THAP8: variants seen among roughly 807,000 people sequenced by gnomAD.
THAP8 encodes THAP domain containing 8.
THAP8 carries 24 observed loss-of-function variants against 25.0 expected under a neutral mutation model. The ratio of observed to expected loss-of-function variants is 0.96; its 90% CI spans 0.69 to 1.35. The LOEUF is 1.35. Ranked by LOEUF, THAP8 falls within the 40% of genes most tolerant of loss-of-function variation. The probability of loss-of-function intolerance (pLI) is 0.00; values close to 1 mark genes in which losing one functional copy is unlikely to be tolerated. For missense variants in THAP8, 399 were observed against 368.8 expected (o/e 1.08, Z -0.67); for synonymous variants, 169 against 157.6 (o/e 1.07, Z -0.54).
At chr19:36,054,744 A>ATTT (rs1369790317), upstream of THAP8, 2 of 612,026 alleles carry the variant, frequency 3.3e-6, no homozygotes, top group Non-Finnish European at 5.8e-6. Flanking sequence ...TTAATCAGGC[A>ATTT]TCCAGTACAC....
chr19:36,054,463 G>C, upstream of THAP8: 2 of 591,766 alleles, frequency 3.4e-6, no homozygotes, highest in South Asian at 4.0e-5. Context: ...CGCAAAGCCG[G>C]CCCTTCGTCA....
At chr19:36,049,589 C>T (rs1420481811) in intron 1 of THAP8, among the ~76,000 whole-genome samples, 2 of 152,194 alleles carry the variant, frequency 1.3e-5, no homozygotes, top group Non-Finnish European at 2.9e-5. Flanking sequence ...TGGAAATGGG[C>T]TAGTCACTAG....
intron 3 of THAP8, 65 bp from the exon 4 acceptor site, chr19:36,035,657 TAACGGTGAGG>T (rs1371146130): frequency 3.8e-6 from 6 of 1,570,818 alleles, no homozygotes; most frequent in Non-Finnish European, 5.2e-6. Context: ...GACAGACAGA[TAACGGTGAGG>T]AACAGGGAGG....
intron 1 of THAP8, among the ~76,000 whole-genome samples, chr19:36,052,373 C>T (rs765339861): frequency 1.3e-5 from 2 of 152,208 alleles, no homozygotes; most frequent in African/African-American, 2.4e-5. Context: ...AATCTAATGC[C>T]TGATGATCTG....
At chr19:36,052,721 T>C (rs143609433) in intron 1 of THAP8, among the ~76,000 whole-genome samples, 2,430 of 152,300 alleles carry the variant, frequency 0.016, 24 homozygotes, top group Middle Eastern at 0.054. Context: ...CAAACCTGGA[T>C]TGTAAATAGG....
rs937896402 is a variant in THAP8, at chr19:36,052,018, A to AT, written c.83+2116dup. Among the ~76,000 whole-genome samples, 795 of 144,000 alleles carry AT rather than the reference A, an allele frequency of 5.5e-3. 8 individuals carry two copies. Among genetic ancestry groups the AT allele is most frequent in the African/African-American group, 0.016 (639 of 39,272 alleles). The allele number at this position is 144,000 out of a possible 152,430, so 94.5% of individuals were successfully genotyped here. A position where few individuals can be genotyped will look rare whatever the true frequency, so the allele number is the denominator to read the frequency against. The stretch of plus-strand genomic sequence containing the variant: ...ATGTGAGAGATCTAGGTTGCCCTCC[A>AT]TTTTTTTTTTGTTTGTTTGTTTTTT... On this transcript the variant is annotated intron_variant, in intron 1 of 3. Transcript: ENST00000292894.
At chr19:36,036,451 G>A (rs1467555833) in intron 3 of THAP8, among the ~76,000 whole-genome samples, 2 of 151,908 alleles carry the variant, frequency 1.3e-5, no homozygotes, top group Non-Finnish European at 2.9e-5. Context: ...TGTGTTTCTT[G>A]TAGAGACAGG....
intron 1 of THAP8, among the ~76,000 whole-genome samples, chr19:36,051,085 T>TA (rs11441428): frequency 0.14 from 21,101 of 152,138 alleles, 1,795 homozygotes; most frequent in Middle Eastern, 0.25. Flanking sequence ...AGTGATGTGT[T>TA]AAAGAGAAAA....
At position 36,034,988 on chromosome 19, in the gene THAP8, G is replaced by A. The variant is rs1969376790; in HGVS notation, c.*452C>T. On this transcript the variant is annotated 3_prime_UTR_variant, in exon 4 of 4. Transcript: ENST00000292894. ...TGTCTTTATAGCACTCATCGCTCAT[G>A]TCTGCAGTGTTCTTGTTTATTTGTT... 1 of 155,424 alleles carries A rather than the reference G, an allele frequency of 6.4e-6. No homozygotes were observed. Among genetic ancestry groups the A allele is most frequent in the African/African-American group, 2.4e-5 (1 of 41,518 alleles). 9.6% of individuals were successfully genotyped at this position (155,424 alleles called of 1,614,324 possible).
chr19:36,051,276 G>A (rs894075012), intron 1 of THAP8, among the ~76,000 whole-genome samples: 1 of 152,184 alleles, frequency 6.6e-6, no homozygotes, highest in African/African-American at 2.4e-5. Context: ...TCACTGGTGT[G>A]AAGGGCAGGA....
chr19:36,049,188 A>T (rs1969980538), intron 1 of THAP8, among the ~76,000 whole-genome samples: 1 of 151,982 alleles, frequency 6.6e-6, no homozygotes, highest in African/African-American at 2.4e-5. Flanking sequence ...CTGATTTAAC[A>T]TTGTCTCCCC....
intron 1 of THAP8, among the ~76,000 whole-genome samples, chr19:36,043,102 A>C (rs2145441093): frequency 6.6e-6 from 1 of 151,908 alleles, no homozygotes; most frequent in Admixed American, 6.6e-5. Context: ...CTATTTTTGT[A>C]TTTTTAGTAG....
At position 36,037,380 on chromosome 19, in the gene THAP8, A is replaced by ACC. The variant is rs1555788903; in HGVS notation, c.673-1790_673-1789dup. ...CACACACACACACACACACACACAC[A>ACC]CCCAGCAGTAAAATATAGAGGCAAA... On this transcript the variant is annotated intron_variant, in intron 3 of 3. Coordinates refer to ENST00000292894, the MANE Select transcript of THAP8 (RefSeq NM_152658.3). 1.0e-3 allele frequency among the ~76,000 whole-genome samples: 148 copies of ACC among 145,558 alleles called. 1 individual carries two copies. Among genetic ancestry groups the ACC allele is most frequent in the South Asian group, 2.4e-3 (11 of 4,534 alleles).
intron 2 of THAP8, 27 bp from the exon 3 acceptor site, chr19:36,039,745 G>C: frequency 6.7e-7 from 1 of 1,492,514 alleles, no homozygotes; most frequent in South Asian, 1.4e-5. Context: ...GGGGTGCAGG[G>C]GTGCCGTGGT....
At chr19:36,054,320 C>G (rs1415635153), upstream of THAP8, 12 of 1,361,820 alleles carry the variant, frequency 8.8e-6, no homozygotes, top group East Asian at 2.5e-5. Context: ...GCCTGCCTCA[C>G]GTGACGTCCG....
intron 1 of THAP8, chr19:36,045,576 T>C (rs1969851288): frequency 2.7e-6 from 1 of 374,214 alleles, no homozygotes; most frequent in East Asian, 7.3e-5. Flanking sequence ...GCCTGAATAT[T>C]ACCTTATATG....
rs1038133493 is a variant in THAP8 at position 36,035,378 on chromosome 19, G to A, written c.*62C>T. ...GGCGGTGGGGCTGGGCCAAGCCCAC[G>A]TATAATGTCTTTCCTCCTCCATCTT... On this transcript the variant is annotated 3_prime_UTR_variant, in exon 4 of 4. Transcript: ENST00000292894. The A allele has an allele frequency of 6.1e-6, 9 of 1,477,308 alleles. No individual in the cohort carries two copies. The East Asian group carries it at 1.2e-4, about 20-fold the overall frequency. 91.5% of individuals were successfully genotyped at this position (1,477,308 alleles called of 1,614,324 possible).
At chr19:36,048,097 A>C (rs1378011630) in intron 1 of THAP8, among the ~76,000 whole-genome samples, 3 of 152,210 alleles carry the variant, frequency 2.0e-5, no homozygotes, top group African/African-American at 7.2e-5. Context: ...ACCAAGAGCC[A>C]CTGGGTGATT....
rs371936355 is a variant in THAP8 at position 36,040,132 on chromosome 19, G to C, written c.88C>G (p.Pro30Ala). 2.5e-6 allele frequency: 4 copies of C among 1,605,268 alleles called. No homozygotes were observed. Among genetic ancestry groups the C allele is most frequent in the African/African-American group, 1.3e-5 (1 of 74,808 alleles). ...TGCAGCCGGGGACCATCCTTCAGTG[G>C]GAACCTGCATGGGTGGTTGGGGGGC... is the stretch of plus-strand genomic sequence containing the variant. ...DNRPVSFYKF[P>A]LKDGPRLQAW... is the part of the protein sequence containing the mutation. Residue 30 changes from proline (P) to alanine (A), a missense_variant, in exon 2 of 4, where the codon CCA (proline) becomes GCA (alanine). Transcript: ENST00000292894.
Sources: allele counts gnomAD v4.1 joint callset (sites outside exome capture counted in the v4.1 genomes callset), GRCh38; gene constraint gnomAD v4.1.1; transcripts MANE v1.5; gene names NCBI Gene and HGNC (gene_info 2026-07-23, HGNC 2026-07-21).